Variants in PPFIA3 observed in about 807,000 individuals in gnomAD.
PPFIA3 encodes the protein PPFI scaffold protein A3.
Under a neutral mutation model 145.8 loss-of-function variants are expected in PPFIA3, and 26 were observed. That is an observed-to-expected ratio of 0.18 (90% CI 0.13 to 0.25). The LOEUF (loss-of-function observed/expected upper bound fraction) is 0.25, where lower values mean the gene tolerates loss of function less well. Ranked by LOEUF, PPFIA3 falls within the 10% of genes least tolerant of loss-of-function variation. The pLI, the probability that PPFIA3 is intolerant of heterozygous loss-of-function variation, is 1.00. For synonymous variants in PPFIA3, 645 were observed against 661.4 expected (o/e 0.98, Z 0.38); for missense variants, 1,008 against 1,587.8 (o/e 0.63, Z 6.21).
At chr19:49,126,323 ACTCTAAC>A (rs2040998145) in intron 1 of PPFIA3, among the ~76,000 whole-genome samples, 1 of 148,506 alleles carries the variant, frequency 6.7e-6, no homozygotes, top group Non-Finnish European at 1.5e-5. Flanking sequence ...ATCTCGGCTC[ACTCTAAC>A]CTCCACCTCC....
rs2041097856 is a variant in PPFIA3 at position 49,133,334 on chromosome 19, AGGCGCAGCT to A, written c.1133_1141del (p.Leu378_Gln380del). On this transcript the variant is annotated inframe_deletion, in exon 9 of 30. Transcript: ENST00000334186. This position sits in a 1 kb window ranked among gnomAD's most constrained non-coding sequence, Gnocchi z 7.2. Reference sequence around the variant, plus strand: ...AAAGCGGAGACCTTGCCCGAGATAGAGGCGCAGCTGGCGCAGCGCGTGGCGGCGCTCAAC... The same window carrying A: ...AAAGCGGAGACCTTGCCCGAGATAGAGGCGCAGCGCGTGGCGGCGCTCAAC... 1 of 1,607,716 alleles carries A rather than the reference AGGCGCAGCT, an allele frequency of 6.2e-7. No homozygotes were observed. The highest frequency in any genetic ancestry group is 8.5e-7 in the Non-Finnish European group (1 of 1,177,984).
chr19:49,132,443 A>T (rs1198391624), intron 7 of PPFIA3, among the ~76,000 whole-genome samples: 2 of 146,784 alleles, frequency 1.4e-5, no homozygotes, highest in African/African-American at 5.1e-5. Context: ...GAGAACCTTC[A>T]TCTGGGATTT....
chr19:49,136,629 C>A (rs1436919317), intron 14 of PPFIA3, 95 bp from the exon 15 acceptor site: 4 of 733,590 alleles, frequency 5.5e-6, no homozygotes, highest in Non-Finnish European at 7.8e-6. Context: ...GGAAAAGCAT[C>A]AGTGAGGTCG....
At chr19:49,141,681 G>C (rs967486092) in intron 19 of PPFIA3, among the ~76,000 whole-genome samples, 168 bp downstream of exon 19, 6 of 151,826 alleles carry the variant, frequency 4.0e-5, no homozygotes, top group African/African-American at 1.5e-4. Flanking sequence ...ATTCAATGCT[G>C]GGAGGAGGTG....
At position 49,130,119 on chromosome 19, in the gene PPFIA3, G is replaced by A. The variant is rs1397917135; in HGVS notation, c.657+52G>A. ...GAGCTCCATTCAACTCCCTGACTTTGTGATAGTGTTTGTAACGTTTGGTAT... is the reference window on the plus strand; with the variant it reads ...GAGCTCCATTCAACTCCCTGACTTTATGATAGTGTTTGTAACGTTTGGTAT... On this transcript the variant is annotated intron_variant, in intron 6 of 29. Transcript: ENST00000334186. This position sits in a 1 kb window ranked among gnomAD's most constrained non-coding sequence, Gnocchi z 4.5. 6.4e-7 allele frequency: 1 copy of A among 1,554,934 alleles called. No homozygotes were observed. The highest frequency in any genetic ancestry group is 1.9e-5 in the Admixed American group (1 of 52,948).
rs756368917 is a variant in PPFIA3, at chr19:49,150,523, C to G, written c.*301C>G. On this transcript the variant is annotated 3_prime_UTR_variant, in exon 30 of 30. Coordinates refer to ENST00000334186, the MANE Select transcript of PPFIA3 (RefSeq NM_003660.4). ...TTATTGATCAGTTTCTGTTGGGAGA[C>G]GGGTGTCCTTTACCCGCGGGAAGGG... 6.0e-6 allele frequency: 1 copy of G among 166,294 alleles called. No individual in the cohort carries two copies. The highest frequency in any genetic ancestry group is 2.4e-5 in the African/African-American group (1 of 41,978). 10.3% of individuals were successfully genotyped at this position (166,294 alleles called of 1,614,324 possible).
Position 49,139,838 on chromosome 19 carries a change from A to G in PPFIA3, c.2240+7A>G. 6.2e-7 allele frequency: 1 copy of G among 1,609,708 alleles called. No individual in the cohort carries two copies. Among genetic ancestry groups the G allele is most frequent in the South Asian group, 1.1e-5 (1 of 90,768 alleles). On this transcript the variant is annotated splice_region_variant and intron_variant, in intron 17 of 29. Transcript: ENST00000334186. The stretch of plus-strand genomic sequence containing the variant: ...GGGGACCCCCACGGGGAAGGTCAGC[A>G]GGGACAAGGGATAGGGACAGGGAGA...
At chr19:49,132,964 G>A (rs749901806) in intron 7 of PPFIA3, 37 bp from the exon 8 acceptor site, 85 of 1,595,612 alleles carry the variant, frequency 5.3e-5, no homozygotes, top group Non-Finnish European at 6.8e-5. Context: ...CTCCCCCAGG[G>A]GCTCGCAGTC....
intron 15 of PPFIA3, 89 bp from the exon 16 acceptor site, chr19:49,138,116 C>T: frequency 7.0e-7 from 1 of 1,431,076 alleles, no homozygotes; most frequent in Non-Finnish European, 9.2e-7. Context: ...ATTGCCCCAC[C>T]AGGCCTTTCT....
chr19:49,139,781 C>T lies in PPFIA3; in HGVS notation c.2190C>T (p.Ala730=), dbSNP rs1462443259. 6.2e-6 allele frequency: 10 copies of T among 1,613,558 alleles called. No individual in the cohort carries two copies. The highest frequency in any genetic ancestry group is 7.6e-6 in the Non-Finnish European group (9 of 1,179,676). ...RSARLERMTQ[A]LALQAGSLED... ...CCCGTCTTGAGAGAATGACCCAGGC[C>T]TTGGCACTGCAGGCGGGGTCCCTGG... Residue 730 remains alanine (A), a synonymous_variant, in exon 17 of 30, where the codon GCC becomes GCT. Transcript: ENST00000334186.
chr19:49,140,334 T>G (rs187102034), intron 18 of PPFIA3, among the ~76,000 whole-genome samples: 1 of 152,220 alleles, frequency 6.6e-6, no homozygotes, highest in East Asian at 1.9e-4. Context: ...CTTATTTTTT[T>G]GTTGTTTTTT....
intron 19 of PPFIA3, 47 bp from the exon 20 acceptor site, chr19:49,141,987 G>C: frequency 6.8e-7 from 1 of 1,475,320 alleles, no homozygotes; most frequent in Non-Finnish European, 9.2e-7. Context: ...CAGAGCAGGG[G>C]GTCTCCATCC....
intron 16 of PPFIA3, among the ~76,000 whole-genome samples, chr19:49,138,729 G>C (rs1356118599): frequency 6.6e-6 from 1 of 152,156 alleles, no homozygotes; most frequent in Non-Finnish European, 1.5e-5. Context: ...CAGCACTTCG[G>C]GAGGCCAAGG....
At chr19:49,146,437 G>A in intron 23 of PPFIA3, 1 of 586,812 alleles carries the variant, frequency 1.7e-6, no homozygotes. Flanking sequence ...TCATCATCGT[G>A]GGTTGTGGGG....
chr19:49,128,514 G>A lies in PPFIA3; in HGVS notation c.342+46G>A, dbSNP rs1384840722. ...GGCCTAAGTGGGGGCGGGGCCTCGT[G>A]GTGTTGAAGTGGGGGGCGGGGCCTC... On this transcript the variant is annotated intron_variant, in intron 3 of 29. Transcript: ENST00000334186. The surrounding 1 kb of genome is among the most constrained non-coding windows in gnomAD (Gnocchi z 4.1). The A allele has an allele frequency of 6.5e-7, 1 of 1,540,526 alleles. No homozygotes were observed. The highest frequency in any genetic ancestry group is 1.1e-5 in the South Asian group (1 of 89,066).
intron 1 of PPFIA3, among the ~76,000 whole-genome samples, chr19:49,122,612 G>A (rs975530351): frequency 3.3e-5 from 5 of 151,908 alleles, no homozygotes; most frequent in Non-Finnish European, 7.4e-5. Flanking sequence ...TTCCTAATTC[G>A]TGCCATTGAT....
intron 13 of PPFIA3, among the ~76,000 whole-genome samples, chr19:49,135,375 A>T (rs1040393781): frequency 3.5e-5 from 5 of 143,270 alleles, no homozygotes; most frequent in East Asian, 2.1e-4. Flanking sequence ...TTATTTATTT[A>T]TTTTTTCTTT....
At chr19:49,129,054 T>A in intron 4 of PPFIA3, 42 bp downstream of exon 4, 1 of 1,532,420 alleles carries the variant, frequency 6.5e-7, no homozygotes, top group South Asian at 1.3e-5. Context: ...TGGAAACCTA[T>A]AGTTGACTGG....
intron 23 of PPFIA3, 85 bp from the exon 24 acceptor site, chr19:49,147,998 T>G: frequency 7.1e-7 from 1 of 1,398,700 alleles, no homozygotes; most frequent in Non-Finnish European, 9.8e-7. Context: ...AAACCTTGGA[T>G]TGGGAGGTTG....
Sources: gnomAD v4.1 joint callset for allele counts (sites outside exome capture counted in the v4.1 genomes callset) on GRCh38, gnomAD v4.1.1 for gene constraint, Gnocchi (gnomAD v3.1) non-coding constraint, MANE v1.5 for transcripts, NCBI Gene and HGNC (gene_info 2026-07-23, HGNC 2026-07-21) for gene names.